Variants in CCDC93 observed in about 807,000 individuals in gnomAD.
CCDC93 encodes the protein CCC complex scaffolding subunit CCDC93.
CCDC93 carries 61 observed loss-of-function variants against 108.2 expected under a neutral mutation model. The observed-to-expected ratio is 0.56, with a 90% CI of 0.46 to 0.70. CCDC93 has a LOEUF of 0.70. CCDC93 is among the 30% of genes least tolerant of loss of function. CCDC93 has a pLI of 0.00. For missense variants in CCDC93, 685 were observed against 764.2 expected, an observed-to-expected ratio of 0.90 and a Z score of 1.22; for synonymous variants, 276 against 260.4, an observed-to-expected ratio of 1.06 and a Z score of -0.58.
At chr2:118,007,846 T>C (rs532222034) in intron 2 of CCDC93, among the ~76,000 whole-genome samples, 1 of 152,374 alleles carries the variant, frequency 6.6e-6, no homozygotes, top group African/African-American at 2.4e-5. Flanking sequence ...GTGATTCTGT[T>C]AGGCACAGCC....
intron 1 of CCDC93, among the ~76,000 whole-genome samples, chr2:118,011,315 G>A (rs1677014843): frequency 6.6e-6 from 1 of 152,196 alleles, no homozygotes; most frequent in Admixed American, 6.5e-5. Flanking sequence ...TAGAGTAGGA[G>A]TGGCGTGGGG....
intron 23 of CCDC93, among the ~76,000 whole-genome samples, chr2:117,920,635 T>C (rs751404435): frequency 2.6e-5 from 4 of 152,190 alleles, no homozygotes. Flanking sequence ...GATGAGAGGA[T>C]AGGCACTGTC....
Position 117,986,062 on chromosome 2 carries a change from T to A in CCDC93, c.527A>T (p.Tyr176Phe). The change falls in exon 7 of 24, where the codon TAC (tyrosine) becomes TTC (phenylalanine). Residue 176 changes from tyrosine (Y) to phenylalanine (F), a missense_variant. By Grantham distance (22) the Tyr-to-Phe change is conservative. Coordinates refer to ENST00000376300, the MANE Select transcript of CCDC93 (RefSeq NM_019044.5). ...IKTVVDLSEV[Y>F]KPRRKYKRHQ... ...GCGTTTGTATTTCCGACGGGGCTTG[T>A]ACACTTCCTAAGTGGATGAGACAGC... 6.2e-7 allele frequency: 1 copy of A among 1,608,722 alleles called. No homozygotes were observed.
chr2:117,979,738 T>A (rs1186801902), intron 7 of CCDC93, among the ~76,000 whole-genome samples: 1 of 152,204 alleles, frequency 6.6e-6, no homozygotes, highest in South Asian at 2.1e-4. Context: ...AAGGTTAAAT[T>A]TTGGCTATCC....
At chr2:117,964,287 T>C (rs1679485596) in intron 11 of CCDC93, among the ~76,000 whole-genome samples, 1 of 152,154 alleles carries the variant, frequency 6.6e-6, no homozygotes, top group African/African-American at 2.4e-5. Flanking sequence ...ACCAGCTAAT[T>C]CGTAAGTAAA....
intron 4 of CCDC93, chr2:117,998,777 T>A (rs1272558229): frequency 6.6e-6 from 1 of 152,138 alleles, no homozygotes; most frequent in Non-Finnish European, 1.5e-5. Context: ...GGGGGAAAGG[T>A]AACAACTTCA....
rs759034408 is a variant in CCDC93, at chr2:118,014,014, T to C, written c.-19A>G. On this transcript the variant is annotated 5_prime_UTR_variant, in exon 1 of 24. Transcript: ENST00000376300. ...ACCCCATGATCCGACCGGGCTGTCG[T>C]AAGGCGAGAGCGAAGCCCGCCAAGC... 6.3e-7 allele frequency: 1 copy of C among 1,593,142 alleles called. No individual in the cohort carries two copies. The highest frequency in any genetic ancestry group is 8.5e-7 in the Non-Finnish European group (1 of 1,171,286).
intron 19 of CCDC93, 42 bp downstream of exon 19, chr2:117,941,147 C>T: frequency 7.0e-7 from 1 of 1,422,276 alleles, no homozygotes; most frequent in African/African-American, 1.4e-5. Flanking sequence ...CTCGCCTGTC[C>T]CTTCCCAGCC....
At chr2:117,947,842 A>T (rs535036362) in intron 15 of CCDC93, among the ~76,000 whole-genome samples, 86 of 152,064 alleles carry the variant, frequency 5.7e-4, no homozygotes, top group Non-Finnish European at 9.9e-4. Context: ...TACAGGCGCC[A>T]GCCACCACGC....
chr2:117,920,476 TC>T, intron 23 of CCDC93, 80 bp from the exon 24 acceptor site: 1 of 953,062 alleles, frequency 1.0e-6, no homozygotes. Context: ...TCAAAGCCCT[TC>T]CCATATCCCT....
chr2:117,971,393 A>C (rs561872367), intron 11 of CCDC93, among the ~76,000 whole-genome samples: 1 of 148,664 alleles, frequency 6.7e-6, no homozygotes, highest in African/African-American at 2.5e-5. Context: ...CCATACACAC[A>C]AACACACACT....
chr2:118,001,346 G>A (rs925041412), intron 3 of CCDC93, among the ~76,000 whole-genome samples: 6 of 151,908 alleles, frequency 3.9e-5, no homozygotes, highest in African/African-American at 7.3e-5. Flanking sequence ...CTAAATATCA[G>A]GCAACAAATA....
intron 23 of CCDC93, among the ~76,000 whole-genome samples, chr2:117,925,318 C>T (rs571733124): frequency 6.6e-6 from 1 of 152,126 alleles, no homozygotes; most frequent in Non-Finnish European, 1.5e-5. Flanking sequence ...TTAAAAGACA[C>T]AGACTGGCAA....
At position 117,985,955 on chromosome 2, in the gene CCDC93, G is replaced by A. The variant is rs1401457232; in HGVS notation, c.620+14C>T. 6.7e-7 allele frequency: 1 copy of A among 1,493,072 alleles called. No homozygotes were observed. The allele number at this position is 1,493,072 out of a possible 1,614,324, so 92.5% of individuals were successfully genotyped here. A position where few individuals can be genotyped will look rare whatever the true frequency, so the allele number is the denominator to read the frequency against. On this transcript the variant is annotated intron_variant, in intron 7 of 23. Transcript: ENST00000376300. ...CTTTTAAAAGAGACACCTAGACTGGGTCCCACTCATTACCTGCCATATTCC... is the reference window on the plus strand; with the variant it reads ...CTTTTAAAAGAGACACCTAGACTGGATCCCACTCATTACCTGCCATATTCC...
Position 117,978,048 on chromosome 2 carries a change from G to A in CCDC93, c.621-18C>T, listed in dbSNP as rs776273240. ...CATATCTCCTGCAGGCCACAAAAAA[G>A]GAGTTTAATTACTACTTAAAAAATT... On this transcript the variant is annotated intron_variant, in intron 7 of 23. Transcript: ENST00000376300. 2 of 1,612,428 alleles carry A rather than the reference G, an allele frequency of 1.2e-6. No homozygotes were observed. The highest frequency in any genetic ancestry group is 2.7e-5 in the African/African-American group (2 of 74,870).
intron 15 of CCDC93, among the ~76,000 whole-genome samples, chr2:117,947,693 C>CTTTTTT (rs763811529): frequency 5.7e-5 from 7 of 121,970 alleles, no homozygotes; most frequent in African/African-American, 9.1e-5. Context: ...GATGAATCTG[C>CTTTTTT]TTTTTTTTTT....
chr2:117,977,917 TGTGA>T, intron 8 of CCDC93, 73 bp downstream of exon 8: 2 of 1,366,450 alleles, frequency 1.5e-6, no homozygotes, highest in Non-Finnish European at 1.0e-6. Context: ...CTGCCCGGCT[TGTGA>T]GTGTTAGTCA....
At chr2:117,951,200 C>T in intron 13 of CCDC93, 6 of 985,354 alleles carry the variant, frequency 6.1e-6, no homozygotes, top group Non-Finnish European at 7.2e-6. Context: ...AACTTCATGC[C>T]AGGGGCTCTG....
At chr2:117,986,506 T>C (rs1680324167) in intron 6 of CCDC93, among the ~76,000 whole-genome samples, 1 of 152,062 alleles carries the variant, frequency 6.6e-6, no homozygotes, top group African/African-American at 2.4e-5. Context: ...GGGCTGCTTG[T>C]CCCCACATCT....
Sources: allele counts gnomAD v4.1 joint callset (sites outside exome capture counted in the v4.1 genomes callset), GRCh38; gene constraint gnomAD v4.1.1; transcripts MANE v1.5; gene names NCBI Gene and HGNC (gene_info 2026-07-23, HGNC 2026-07-21).